PFDN1: variants seen among roughly 807,000 people sequenced by gnomAD.
PFDN1 encodes the protein prefoldin subunit 1, also known as prefoldin 1.
In PFDN1, 6 loss-of-function variants were observed where a neutral mutation model predicts 17.3. That is an observed-to-expected ratio of 0.35 (90% confidence interval 0.19 to 0.69). The LOEUF (loss-of-function observed/expected upper bound fraction) is 0.69, where lower values mean the gene tolerates loss of function less well. Among genes scored for constraint, PFDN1 ranks in the 30% least tolerant of loss-of-function variants. The pLI, the probability that PFDN1 is intolerant of heterozygous loss-of-function variation, is 0.65. For missense variants in PFDN1, 113 were observed against 146.2 expected (o/e 0.77, Z 1.17); for synonymous variants, 58 against 50.1 (o/e 1.16, Z -0.67).
At chr5:140,249,144 C>T (rs1333045804) in intron 3 of PFDN1, among the ~76,000 whole-genome samples, 1 of 152,198 alleles carries the variant, frequency 6.6e-6, no homozygotes, top group Non-Finnish European at 1.5e-5. Flanking sequence ...GAACAAGGCA[C>T]CTGTTGTGGG....
intron 2 of PFDN1, among the ~76,000 whole-genome samples, chr5:140,288,786 A>T (rs1365055714): frequency 6.6e-6 from 1 of 152,020 alleles, no homozygotes; most frequent in Non-Finnish European, 1.5e-5. Flanking sequence ...GTAGTTCGAC[A>T]CCAGCCTGGA....
intron 3 of PFDN1, among the ~76,000 whole-genome samples, chr5:140,256,674 A>AAAC: frequency 6.8e-6 from 1 of 147,460 alleles, no homozygotes; most frequent in African/African-American, 2.6e-5. Context: ...AAAAAAAAAA[A>AAAC]AAAAAAAAGC....
chr5:140,299,630 C>T (rs1250700432), intron 2 of PFDN1, among the ~76,000 whole-genome samples: 1 of 151,306 alleles, frequency 6.6e-6, no homozygotes, highest in African/African-American at 2.4e-5. Flanking sequence ...AAAGTCTAAA[C>T]TTAAACACTT....
At chr5:140,291,502 C>T (rs1414803818) in intron 2 of PFDN1, among the ~76,000 whole-genome samples, 1 of 151,864 alleles carries the variant, frequency 6.6e-6, no homozygotes, top group Admixed American at 6.6e-5. Flanking sequence ...TCTGAGATGC[C>T]TATTAGACCA....
chr5:140,291,400 A>G (rs531988441), intron 2 of PFDN1, among the ~76,000 whole-genome samples: 10 of 152,322 alleles, frequency 6.6e-5, no homozygotes, highest in African/African-American at 2.4e-4. Context: ...AAGATTTGGA[A>G]GAATTTGAAG....
At chr5:140,276,780 CAAAAAAAAAA>C (rs35889345) in intron 3 of PFDN1, among the ~76,000 whole-genome samples, 1 of 46,726 alleles carries the variant, frequency 2.1e-5, no homozygotes, top group African/African-American at 1.0e-4. Flanking sequence ...GACACCGTCT[CAAAAAAAAAA>C]AAAAAAAAAA....
In PFDN1 at chr5:140,273,542, C is replaced by T. The variant is rs577705931; in HGVS notation, c.285+7907G>A. ...TAAGCCAACTGCAGAGTGTCACAGG[C>T]ACCTCCTATCCTGTTCTCTCGCCGC... On this transcript the variant is annotated intron_variant, in intron 3 of 3. Coordinates refer to ENST00000261813, the MANE Select transcript of PFDN1 (RefSeq NM_002622.5). 8.5e-5 allele frequency among the ~76,000 whole-genome samples: 13 copies of T among 152,338 alleles called. No individual in the cohort carries two copies. The East Asian group carries it at 2.3e-3, about 27-fold the overall frequency.
intron 2 of PFDN1, among the ~76,000 whole-genome samples, chr5:140,298,640 G>A (rs1326033393): frequency 4.6e-5 from 7 of 152,030 alleles, no homozygotes; most frequent in African/African-American, 7.2e-5. Flanking sequence ...TGAAATGTAC[G>A]AAGTTAATAA....
At position 140,268,539 on chromosome 5, in the gene PFDN1, G is replaced by A. The variant is rs140976978; in HGVS notation, c.285+12910C>T. Among the ~76,000 whole-genome samples the A allele has an allele frequency of 3.3e-5, 5 of 152,116 alleles. No individual in the cohort carries two copies. In the East Asian group the frequency reaches 9.7e-4, roughly 30 times the overall value. The stretch of plus-strand genomic sequence containing the variant: ...GCGCACCCTGTAATCCCAGCTACTC[G>A]GGAGGCTGAGGCAGGAAATCTTTTG... On this transcript the variant is annotated intron_variant, in intron 3 of 3. Transcript: ENST00000261813.
chr5:140,260,611 T>G (rs139850205), intron 3 of PFDN1, among the ~76,000 whole-genome samples: 372 of 149,726 alleles, frequency 2.5e-3, no homozygotes, highest in African/African-American at 8.7e-3. Context: ...TACTAGATGA[T>G]CCATTTATAA....
intron 2 of PFDN1, among the ~76,000 whole-genome samples, chr5:140,284,036 C>G (rs894489359): frequency 2.6e-5 from 4 of 152,188 alleles, no homozygotes; most frequent in Admixed American, 1.3e-4. Context: ...GATTAGAGGT[C>G]AAGTCATTAC....
rs756127441 is a variant in PFDN1 at position 140,245,977 on chromosome 5, C to G, written c.366G>C (p.Gln122His). 1.4e-5 allele frequency: 22 copies of G among 1,546,932 alleles called. No individual in the cohort carries two copies. In the Admixed American group the frequency reaches 4.3e-4, roughly 30 times the overall value. The change falls in exon 4 of 4, where the codon CAG becomes CAC. Residue 122 changes from glutamine (Q) to histidine (H), a missense_variant. Gln to His is a conservative substitution (Grantham distance 24, BLOSUM62 0). Transcript: ENST00000261813. ...AAGAGCTTCCCAGAGAGGCTCCCTACTGGGCCCTTCGTGCCATCAGCATCT... is the reference window on the plus strand; with the variant it reads ...AAGAGCTTCCCAGAGAGGCTCCCTAGTGGGCCCTTCGTGCCATCAGCATCT... ...IREMLMARRA[Q>H]
chr5:140,280,912 C>G (rs1225595808), intron 3 of PFDN1: 1 of 151,990 alleles, frequency 6.6e-6, no homozygotes, highest in Admixed American at 6.6e-5. Flanking sequence ...TCATCTTTTT[C>G]CCTAGCTAAA....
At position 140,254,221 on chromosome 5, in the gene PFDN1, C is replaced by A. The variant is rs532066632; in HGVS notation, c.286-8164G>T. On this transcript the variant is annotated intron_variant, in intron 3 of 3. Transcript: ENST00000261813. This position sits in a 1 kb window ranked among gnomAD's most constrained non-coding sequence, Gnocchi z 4.4. ...GCACAGAAACAGGCAGTGGGCTGGA[C>A]GGGGCAGGCGGTGGTTTGCCAGTGT... Among the ~76,000 whole-genome samples the A allele has an allele frequency of 6.6e-6, 1 of 152,092 alleles. No individual in the cohort carries two copies. The highest frequency in any genetic ancestry group is 1.5e-5 in the Non-Finnish European group (1 of 68,026).
intron 1 of PFDN1, among the ~76,000 whole-genome samples, chr5:140,302,011 C>A (rs1765755329): frequency 6.6e-6 from 1 of 152,188 alleles, no homozygotes; most frequent in Non-Finnish European, 1.5e-5. Context: ...CACATAATAT[C>A]CTCACAACAC....
intron 3 of PFDN1, among the ~76,000 whole-genome samples, chr5:140,273,411 C>G (rs1210157579): frequency 1.3e-5 from 2 of 152,136 alleles, no homozygotes; most frequent in African/African-American, 4.8e-5. Context: ...CAAGTGCCTA[C>G]CAGTCACCAC....
chr5:140,268,375 G>T (rs1168196211), intron 3 of PFDN1, among the ~76,000 whole-genome samples: 1 of 152,122 alleles, frequency 6.6e-6, no homozygotes, highest in African/African-American at 2.4e-5. Flanking sequence ...AAACGGGATG[G>T]GCACAGTGGC....
chr5:140,251,986 T>C (rs916985240), intron 3 of PFDN1, among the ~76,000 whole-genome samples: 15 of 148,046 alleles, frequency 1.0e-4, no homozygotes, highest in Non-Finnish European at 2.0e-4. Flanking sequence ...TTCTCTAAAT[T>C]AGTTTTTTTT....
At chr5:140,300,684 A>T (rs1353347476) in intron 1 of PFDN1, 102 bp from the exon 2 acceptor site, 5 of 743,322 alleles carry the variant, frequency 6.7e-6, no homozygotes, top group African/African-American at 1.8e-5. Flanking sequence ...CCAGAGACAA[A>T]GCTGTGAAAT....
Sources: allele counts gnomAD v4.1 joint callset (sites outside exome capture counted in the v4.1 genomes callset), GRCh38; gene constraint gnomAD v4.1.1; non-coding constraint Gnocchi (gnomAD v3.1); transcripts MANE v1.5; gene names NCBI Gene and HGNC (gene_info 2026-07-23, HGNC 2026-07-21).